Variants in ESR2 observed in about 807,000 individuals in gnomAD.
ESR2 encodes estrogen receptor 2.
Under a neutral mutation model 49.6 loss-of-function variants are expected in ESR2, and 36 were observed. The observed-to-expected ratio is 0.73, with a 90% CI of 0.56 to 0.96. ESR2 has a LOEUF of 0.96. Among genes scored for constraint, ESR2 ranks in the 40% least tolerant of loss-of-function variants. The pLI is 0.00. For synonymous variants in ESR2, 320 were observed against 266.1 expected (o/e 1.20, Z -1.97); for missense variants, 714 against 693.0 (o/e 1.03, Z -0.34).
chr14:64,290,683 G>A (rs536923385), intron 1 of ESR2, among the ~76,000 whole-genome samples: 8 of 151,994 alleles, frequency 5.3e-5, no homozygotes, highest in African/African-American at 1.5e-4. Context: ...GATTACAGGC[G>A]TGAGCCACCA....
In ESR2 at chr14:64,294,094, TA is replaced by T. The variant is rs1206474688; in HGVS notation, c.-153del. 1.3e-5 allele frequency: 2 copies of T among 151,938 alleles called. No homozygotes were observed. Among genetic ancestry groups the T allele is most frequent in the African/African-American group, 2.4e-5 (1 of 41,370 alleles). 9.4% of individuals were successfully genotyped at this position (151,938 alleles called of 1,614,324 possible). ...ATGCGGACACGTGCTTTTCCCGCATTAGGGGGGGTCTCCCGGCGCGCGCCCC... is the reference window on the plus strand; with the variant it reads ...ATGCGGACACGTGCTTTTCCCGCATTGGGGGGGTCTCCCGGCGCGCGCCCC... On this transcript the variant is annotated 5_prime_UTR_variant, in exon 1 of 9. Coordinates refer to ENST00000341099, the MANE Select transcript of ESR2 (RefSeq NM_001437.3).
chr14:64,284,959 T>C (rs908865083), intron 1 of ESR2, among the ~76,000 whole-genome samples: 5 of 151,964 alleles, frequency 3.3e-5, no homozygotes, highest in African/African-American at 1.2e-4. Context: ...AAGCGATTCT[T>C]CTGCCTCAGC....
chr14:64,285,548 G>A (rs1433464017), intron 1 of ESR2, among the ~76,000 whole-genome samples: 1 of 151,982 alleles, frequency 6.6e-6, no homozygotes, highest in Non-Finnish European at 1.5e-5. Context: ...GCATAGGAGA[G>A]TAAGAAGTAA....
At chr14:64,314,877 CAAAAAAAAAAA>C (rs1179436563) in intron 1 of ESR2, among the ~76,000 whole-genome samples, 1 of 20,488 alleles carries the variant, frequency 4.9e-5, no homozygotes, top group Non-Finnish European at 1.1e-4. Context: ...GACTCCGTCT[CAAAAAAAAAAA>C]AAAAAAAAAA....
At chr14:64,269,690 G>A (rs886401790) in intron 3 of ESR2, among the ~76,000 whole-genome samples, 2 of 152,186 alleles carry the variant, frequency 1.3e-5, no homozygotes, top group Non-Finnish European at 2.9e-5. Flanking sequence ...CCAAGTTTAT[G>A]AAGTAGAGCT....
intron 1 of ESR2, among the ~76,000 whole-genome samples, chr14:64,304,797 G>A (rs145471805): frequency 1.3e-5 from 2 of 151,494 alleles, no homozygotes; most frequent in African/African-American, 2.4e-5. Context: ...GATGGCTTGA[G>A]CCCAGGAGTT....
At chr14:64,291,389 G>A (rs1047671771) in intron 1 of ESR2, among the ~76,000 whole-genome samples, 1 of 152,124 alleles carries the variant, frequency 6.6e-6, no homozygotes, top group African/African-American at 2.4e-5. Flanking sequence ...CAGCTAGGAA[G>A]GCCAACTATC....
intron 3 of ESR2, among the ~76,000 whole-genome samples, chr14:64,270,542 C>G (rs1483544218): frequency 6.6e-6 from 1 of 151,748 alleles, no homozygotes; most frequent in Non-Finnish European, 1.5e-5. Flanking sequence ...ACAGAACCTT[C>G]CTCTGTTGCC....
chr14:64,274,676 GTTCT>G (rs2076521735), intron 3 of ESR2, among the ~76,000 whole-genome samples: 1 of 151,828 alleles, frequency 6.6e-6, no homozygotes, highest in African/African-American at 2.4e-5. Context: ...TGCTTTTCTA[GTTCT>G]TTAAGATACA....
At chr14:64,234,718 A>G in intron 8 of ESR2, 1 of 740,442 alleles carries the variant, frequency 1.4e-6, no homozygotes, top group South Asian at 2.2e-5. Flanking sequence ...CAGGCTATAA[A>G]CCCCAGCAAT....
At position 64,257,292 on chromosome 14, in the gene ESR2, C is replaced by T. The variant is rs553390407; in HGVS notation, c.1025G>A (p.Gly342Glu). The T allele has an allele frequency of 6.2e-6, 10 of 1,614,088 alleles. No homozygotes were observed. In the African/African-American group the frequency reaches 9.3e-5, roughly 15 times the overall value. ...ESCWMEVLMM[G>E]LMWRSIDHPG... is the part of the protein sequence containing the mutation. ...GTGGTCAATTGAGCGCCACATCAGC[C>T]CCATCATTAACACCTCCATCCAACA... The change falls in exon 6 of 9, where the codon GGG becomes GAG. Residue 342 changes from glycine to glutamate, a missense_variant. Transcript: ENST00000341099.
At chr14:64,274,725 T>C (rs2076522501) in intron 3 of ESR2, among the ~76,000 whole-genome samples, 1 of 152,192 alleles carries the variant, frequency 6.6e-6, no homozygotes, top group Admixed American at 6.5e-5. Flanking sequence ...TTTCTACTTT[T>C]TAGATGTAGG....
chr14:64,244,202 C>G (rs985751670), intron 7 of ESR2, among the ~76,000 whole-genome samples: 3 of 152,104 alleles, frequency 2.0e-5, no homozygotes, highest in African/African-American at 7.2e-5. Context: ...AGTTCGAGAC[C>G]AGCCTGTCTA....
At chr14:64,287,112 G>A (rs1179096258) in intron 1 of ESR2, among the ~76,000 whole-genome samples, 1 of 151,692 alleles carries the variant, frequency 6.6e-6, no homozygotes, top group Non-Finnish European at 1.5e-5. Flanking sequence ...AAGTTCAGTA[G>A]TGTTAAGGAT....
intron 3 of ESR2, among the ~76,000 whole-genome samples, chr14:64,272,772 T>C (rs2076476727): frequency 6.6e-6 from 1 of 152,226 alleles, no homozygotes; most frequent in South Asian, 2.1e-4. Flanking sequence ...GCTATAGCTC[T>C]ATGGTATAAT....
intron 4 of ESR2, among the ~76,000 whole-genome samples, chr14:64,262,576 A>G (rs561911889): frequency 2.6e-5 from 4 of 152,304 alleles, no homozygotes; most frequent in Non-Finnish European, 5.9e-5. Context: ...GTTACAAAAC[A>G]TAAACGTCAT....
chr14:64,274,854 T>C (rs778631834), intron 3 of ESR2, among the ~76,000 whole-genome samples: 5 of 152,238 alleles, frequency 3.3e-5, no homozygotes, highest in Non-Finnish European at 7.3e-5. Context: ...AATTTCTTCA[T>C]TGACACACTG....
intron 3 of ESR2, among the ~76,000 whole-genome samples, chr14:64,277,205 A>G (rs1477095273): frequency 6.6e-6 from 1 of 152,248 alleles, no homozygotes. Flanking sequence ...CCAACAAAGT[A>G]TCAATGGAAA....
At chr14:64,263,471 A>G (rs2140740109) in intron 4 of ESR2, among the ~76,000 whole-genome samples, 1 of 152,264 alleles carries the variant, frequency 6.6e-6, no homozygotes, top group South Asian at 2.1e-4. Context: ...AGCCTGGCCA[A>G]AATGGAAAAA....
Sources: allele counts gnomAD v4.1 joint callset (sites outside exome capture counted in the v4.1 genomes callset), GRCh38; gene constraint gnomAD v4.1.1; transcripts MANE v1.5; gene names NCBI Gene and HGNC (gene_info 2026-07-23, HGNC 2026-07-21).